BLVRB: variants seen among roughly 807,000 people sequenced by gnomAD.
BLVRB encodes biliverdin reductase B.
A neutral mutation model predicts 21.1 loss-of-function variants in BLVRB; 25 were observed. The observed-to-expected ratio is 1.19, with a 90% confidence interval of 0.86 to 1.66. BLVRB has a LOEUF of 1.66. Among genes scored for constraint, BLVRB ranks in the 40% most tolerant of loss-of-function variants. The pLI, the probability that BLVRB is intolerant of heterozygous loss-of-function variation, is 0.00. For synonymous variants in BLVRB, 128 were observed against 122.2 expected, an observed-to-expected ratio of 1.05 and a Z score of -0.31; for missense variants, 274 against 282.7, an observed-to-expected ratio of 0.97 and a Z score of 0.22.
At chr19:40,449,687 C>T (rs931471295) in intron 4 of BLVRB, among the ~76,000 whole-genome samples, 6 of 152,046 alleles carry the variant, frequency 3.9e-5, no homozygotes, top group African/African-American at 7.2e-5. Flanking sequence ...GAGTTAAGTG[C>T]GACAATGTTG....
At chr19:40,452,663 G>A (rs1269560816) in intron 3 of BLVRB, among the ~76,000 whole-genome samples, 2 of 151,916 alleles carry the variant, frequency 1.3e-5, no homozygotes, top group African/African-American at 4.8e-5. Context: ...TTAGGAGTTC[G>A]AGACCAGCCT....
chr19:40,452,679 A>G (rs994058091), intron 3 of BLVRB, among the ~76,000 whole-genome samples: 1 of 152,080 alleles, frequency 6.6e-6, no homozygotes, highest in African/African-American at 2.4e-5. Flanking sequence ...AGCCTGGCCA[A>G]CATGGTGAAA....
chr19:40,460,612 T>C (rs1311958068), intron 1 of BLVRB, among the ~76,000 whole-genome samples: 2 of 100,862 alleles, frequency 2.0e-5, no homozygotes, highest in Non-Finnish European at 4.1e-5. Context: ...AATAAATAAA[T>C]AAATTAAATT....
intron 4 of BLVRB, among the ~76,000 whole-genome samples, chr19:40,449,641 ATCTT>A (rs1418273369): frequency 3.3e-5 from 5 of 152,236 alleles, no homozygotes; most frequent in African/African-American, 9.6e-5. Flanking sequence ...GTGTGCAAAT[ATCTT>A]TCTTTTAGGA....
At chr19:40,456,037 A>C (rs1215524674) in intron 3 of BLVRB, among the ~76,000 whole-genome samples, 1 of 152,206 alleles carries the variant, frequency 6.6e-6, no homozygotes, top group East Asian at 1.9e-4. Flanking sequence ...AAATAAAAAA[A>C]GAAAAGGAAT....
Position 40,460,568 on chromosome 19 carries a change from C to T in BLVRB, c.80-2023G>A, listed in dbSNP as rs746968621. 1.2e-3 allele frequency among the ~76,000 whole-genome samples: 188 copies of T among 151,506 alleles called. 1 individual carries two copies. The highest frequency in any genetic ancestry group is 2.0e-3 in the Non-Finnish European group (134 of 67,872). ...GAGCTATGATTGTACCACTGCACTC[C>T]AGCCTGGGCTACAGAACAAGACTCT... is the stretch of plus-strand genomic sequence containing the variant. On this transcript the variant is annotated intron_variant, in intron 1 of 4. Coordinates refer to ENST00000263368, the MANE Select transcript of BLVRB (RefSeq NM_000713.3).
chr19:40,458,774 G>C (rs2079774076), intron 1 of BLVRB, among the ~76,000 whole-genome samples: 1 of 151,928 alleles, frequency 6.6e-6, no homozygotes, highest in Non-Finnish European at 1.5e-5. Flanking sequence ...GCTCACTGCA[G>C]CCTCAACCTC....
intron 3 of BLVRB, among the ~76,000 whole-genome samples, chr19:40,454,095 T>A (rs527686509): frequency 9.2e-5 from 14 of 152,284 alleles, no homozygotes; most frequent in African/African-American, 3.4e-4. Context: ...AAAAAAATTT[T>A]AAAAATTAGA....
At chr19:40,462,954 C>T (rs572941108) in intron 1 of BLVRB, among the ~76,000 whole-genome samples, 1 of 149,526 alleles carries the variant, frequency 6.7e-6, no homozygotes, top group African/African-American at 2.5e-5. Context: ...ATTGCCTAAC[C>T]TGGTGTACAC....
At chr19:40,450,535 T>C (rs895656431) in intron 4 of BLVRB, 1 of 149,904 alleles carries the variant, frequency 6.7e-6, no homozygotes, top group African/African-American at 2.4e-5. Context: ...GCCATTAATA[T>C]CTATCTTTTC....
intron 4 of BLVRB, among the ~76,000 whole-genome samples, chr19:40,448,605 ACAAATATATATATAT>A (rs1392457406): frequency 1.8e-5 from 1 of 57,098 alleles, no homozygotes; most frequent in African/African-American, 7.9e-5. Context: ...AACAACAACA[ACAAATATATATATAT>A]ATATATATAT....
rs1455205168 is a variant in BLVRB at position 40,451,363 on chromosome 19, C to T, written c.463+1G>A. The T allele has an allele frequency of 6.2e-7, 1 of 1,600,946 alleles. No homozygotes were observed. Among genetic ancestry groups the T allele is most frequent in the Non-Finnish European group, 8.5e-7 (1 of 1,174,116 alleles). On this transcript the variant is annotated splice_donor_variant, in intron 4 of 4. Transcript: ENST00000263368. LOFTEE classifies it high-confidence loss of function. ...TGCCACCAGGTCCCTGCCCTGCTTA[C>T]CTATGTGTGGCGGCATCACAGCCAC...
intron 1 of BLVRB, among the ~76,000 whole-genome samples, chr19:40,462,179 C>T (rs142253196): frequency 2.6e-5 from 4 of 152,268 alleles, no homozygotes; most frequent in South Asian, 2.1e-4. Context: ...CCAGCCTCCC[C>T]GTGCTATGTG....
At chr19:40,464,647 TGA>T (rs1231551480) in intron 1 of BLVRB, among the ~76,000 whole-genome samples, 6 of 152,218 alleles carry the variant, frequency 3.9e-5, no homozygotes, top group African/African-American at 1.2e-4. Flanking sequence ...TGGTTTTTAC[TGA>T]GAGGCCCACA....
chr19:40,453,619 T>C (rs1375353678), intron 3 of BLVRB, among the ~76,000 whole-genome samples: 1 of 152,166 alleles, frequency 6.6e-6, no homozygotes, highest in Non-Finnish European at 1.5e-5. Context: ...GTTAAAGAGC[T>C]TGGGTTTTGC....
intron 4 of BLVRB, among the ~76,000 whole-genome samples, chr19:40,449,075 CT>C (rs1183508488): frequency 6.7e-6 from 1 of 149,536 alleles, no homozygotes; most frequent in East Asian, 2.0e-4. Context: ...GAGACCCTGT[CT>C]CAAAAAAAAA....
intron 4 of BLVRB, among the ~76,000 whole-genome samples, chr19:40,450,872 A>G (rs988481675): frequency 6.6e-6 from 1 of 151,118 alleles, no homozygotes; most frequent in African/African-American, 2.4e-5. Context: ...CTATCTATCT[A>G]TCTATCTATC....
intron 3 of BLVRB, chr19:40,457,822 A>T: frequency 3.0e-6 from 1 of 337,630 alleles, no homozygotes; most frequent in Non-Finnish European, 5.5e-6. Context: ...CCTAAGTCGG[A>T]CGCCTCCTCT....
intron 1 of BLVRB, among the ~76,000 whole-genome samples, chr19:40,459,015 T>C (rs931131861): frequency 1.3e-5 from 2 of 151,894 alleles, no homozygotes; most frequent in Admixed American, 1.3e-4. Flanking sequence ...TGATGCTTAG[T>C]ATTGGGCTGA....
Sources: gnomAD v4.1 joint callset for allele counts (sites outside exome capture counted in the v4.1 genomes callset) on GRCh38, gnomAD v4.1.1 for gene constraint, MANE v1.5 for transcripts, NCBI Gene and HGNC (gene_info 2026-07-23, HGNC 2026-07-21) for gene names.